TBCD: variants seen among roughly 807,000 people sequenced by gnomAD.
TBCD encodes tubulin-specific chaperone D.
A neutral mutation model predicts 169.3 loss-of-function variants in TBCD; 105 were observed. The ratio of observed to expected loss-of-function variants is 0.62; its 90% CI spans 0.53 to 0.73. The LOEUF is 0.73. TBCD is among the 30% of genes least tolerant of loss of function. The pLI, the probability that TBCD is intolerant of heterozygous loss-of-function variation, is 0.00. For synonymous variants in TBCD, 700 were observed against 643.9 expected (o/e 1.09, Z -1.32); for missense variants, 1,444 against 1,600.1 (o/e 0.90, Z 1.66).
At chr17:82,768,352 A>C (rs2048130348) in intron 4 of TBCD, 68 bp from the exon 5 acceptor site, 2 of 1,588,488 alleles carry the variant, frequency 1.3e-6, no homozygotes, top group East Asian at 4.5e-5. Context: ...AGTGACTTTG[A>C]GTAGATTGTG....
chr17:82,829,104 ACCC>A (rs1046045767), intron 13 of TBCD, among the ~76,000 whole-genome samples: 8 of 135,664 alleles, frequency 5.9e-5, no homozygotes, highest in African/African-American at 2.3e-4. Context: ...TTGAATGCGC[ACCC>A]CCCACAGATA....
Position 82,870,309 on chromosome 17 carries a change from C to T in TBCD, c.1404C>T (p.Cys468=), listed in dbSNP as rs2145960863. The change falls in exon 14 of 39, where the codon TGC becomes TGT. Residue 468 remains cysteine (C), a synonymous_variant. Transcript: ENST00000355528. The stretch of plus-strand genomic sequence containing the variant: ...GCACCAACGTCAGGGACGCCGCCTG[C>T]TACGTGTGCTGGGCCTTCGCGCGTG... ...SVGTNVRDAA[C]YVCWAFARAY... 1 of 1,613,598 alleles carries T rather than the reference C, an allele frequency of 6.2e-7. No individual in the cohort carries two copies. Among genetic ancestry groups the T allele is most frequent in the South Asian group, 1.1e-5 (1 of 91,082 alleles).
At position 82,752,080 on chromosome 17, in the gene TBCD, C is replaced by T. The variant is rs893422123; in HGVS notation, c.-114C>T. The stretch of plus-strand genomic sequence containing the variant: ...GCGGGGCGGGGCCAGCGTCGGTTGC[C>T]GCCTTAGCGGGCGCCTCCTTTTCAT... On this transcript the variant is annotated 5_prime_UTR_variant, in exon 1 of 39. Transcript: ENST00000355528. The T allele has an allele frequency of 5.7e-6, 7 of 1,236,124 alleles. No individual in the cohort carries two copies. The African/African-American group carries it at 1.1e-4, about 20-fold the overall frequency. 76.6% of individuals were successfully genotyped at this position (1,236,124 alleles called of 1,614,324 possible).
intron 13 of TBCD, chr17:82,859,803 A>G (rs80035205): frequency 7.1e-6 from 7 of 985,316 alleles, no homozygotes; most frequent in African/African-American, 1.7e-5. Flanking sequence ...CTGCCTGTTC[A>G]TGGCAGTGAC....
Position 82,786,796 on chromosome 17 carries a change from T to A in TBCD, c.771+5075T>A, listed in dbSNP as rs145672532. ...GCCACATGTGTCTAGTTCTGCAGTT[T>A]CTTTGTTGTGGGTTCGGTTCTTTAC... On this transcript the variant is annotated intron_variant, in intron 7 of 38. Transcript: ENST00000355528. Among the ~76,000 whole-genome samples the A allele has an allele frequency of 2.5e-3, 371 of 151,412 alleles. 1 individual carries two copies. Among genetic ancestry groups the A allele is most frequent in the Non-Finnish European group, 2.9e-3 (195 of 67,896 alleles).
intron 2 of TBCD, among the ~76,000 whole-genome samples, chr17:82,762,039 T>G (rs1450966344): frequency 6.6e-6 from 1 of 151,748 alleles, no homozygotes; most frequent in Non-Finnish European, 1.5e-5. Context: ...TTGAGTTGTT[T>G]CCGGTTTTTG....
At chr17:82,932,787 T>C in intron 34 of TBCD, 52 bp downstream of exon 34, 7 of 1,568,866 alleles carry the variant, frequency 4.5e-6, no homozygotes, top group Non-Finnish European at 6.1e-6. Flanking sequence ...AAGTAGCTCA[T>C]GTATTAAAGA....
intron 9 of TBCD, among the ~76,000 whole-genome samples, chr17:82,805,188 C>G (rs1268745659): frequency 6.6e-6 from 1 of 152,248 alleles, no homozygotes; most frequent in Non-Finnish European, 1.5e-5. Flanking sequence ...TCACACAGCT[C>G]TCTGCGTAGG....
intron 13 of TBCD, among the ~76,000 whole-genome samples, chr17:82,866,492 A>G (rs1267030931): frequency 1.3e-5 from 2 of 152,390 alleles, no homozygotes; most frequent in East Asian, 3.9e-4. Flanking sequence ...TGCCGTCAGC[A>G]GCCAGGCCTT....
chr17:82,942,218 G>A, intron 38 of TBCD: 2 of 595,944 alleles, frequency 3.4e-6, no homozygotes, highest in South Asian at 4.2e-5. Context: ...GAGCAGTGCA[G>A]TGAACCTCCC....
intron 2 of TBCD, among the ~76,000 whole-genome samples, chr17:82,758,674 T>C (rs1253167341): frequency 6.9e-6 from 1 of 144,070 alleles, no homozygotes; most frequent in South Asian, 2.3e-4. Context: ...TTTTTTTTTT[T>C]TTTTTGAGAT....
At chr17:82,840,953 G>GTTT (rs755302623) in intron 13 of TBCD, among the ~76,000 whole-genome samples, 4,489 of 70,524 alleles carry the variant, frequency 0.064, 1,632 homozygotes, top group Non-Finnish European at 0.068. Flanking sequence ...CAGACAAACT[G>GTTT]GTTTTTTTTT....
Position 82,831,638 on chromosome 17 carries a change from G to C in TBCD, c.1318+16704G>C. On this transcript the variant is annotated intron_variant, in intron 13 of 38. Transcript: ENST00000355528. This position sits in a 1 kb window ranked among gnomAD's most constrained non-coding sequence, Gnocchi z 4.6. ...GGGTCTTGGGTTCCGTAGACTGACA[G>C]CAGGGGTGCGTCACACTCAGGCGAG... 6.2e-7 allele frequency: 1 copy of C among 1,614,198 alleles called. No individual in the cohort carries two copies. The highest frequency in any genetic ancestry group is 1.3e-5 in the African/African-American group (1 of 75,038).
Position 82,870,354 on chromosome 17 carries a change from G to A in TBCD, c.1449G>A (p.Leu483=). ...CGCGTGCCTATGAGCCTCAGGAGCT[G>A]AAGCCCTTTGTGACTGCAATCTCGA... ...AFARAYEPQE[L]KPFVTAISSA... The change falls in exon 14 of 39, where the codon CTG becomes CTA. Residue 483 remains leucine (L), a synonymous_variant. Coordinates refer to ENST00000355528, the MANE Select transcript of TBCD (RefSeq NM_005993.5). 6.2e-7 allele frequency: 1 copy of A among 1,613,276 alleles called. No individual in the cohort carries two copies. The highest frequency in any genetic ancestry group is 8.5e-7 in the Non-Finnish European group (1 of 1,179,810).
chr17:82,911,975 AGAGATT>A (rs1351742087), intron 23 of TBCD, among the ~76,000 whole-genome samples, 186 bp downstream of exon 23: 1 of 152,052 alleles, frequency 6.6e-6, no homozygotes, highest in Admixed American at 6.5e-5. Flanking sequence ...GGAGAGATTG[AGAGATT>A]GAGATTGAGA....
At chr17:82,830,908 A>G in intron 13 of TBCD, 3 of 1,612,956 alleles carry the variant, frequency 1.9e-6, no homozygotes, top group Middle Eastern at 1.6e-4. Context: ...GCTTAGTAGG[A>G]GCTTGCTTAG....
rs1040401049 is a variant in TBCD, at chr17:82,832,435, C to G, written c.1318+17501C>G. The G allele has an allele frequency of 2.5e-6, 4 of 1,612,496 alleles. No individual in the cohort carries two copies. Among genetic ancestry groups the G allele is most frequent in the Non-Finnish European group, 3.4e-6 (4 of 1,180,010 alleles). ...GATGTAATGTGGCTTTTTTGGCTTC[C>G]GCTCTTTGAGGAGACTCATTTTCCT... On this transcript the variant is annotated intron_variant, in intron 13 of 38. Transcript: ENST00000355528. The surrounding 1 kb of genome is among the most constrained non-coding windows in gnomAD (Gnocchi z 4.9).
intron 13 of TBCD, among the ~76,000 whole-genome samples, chr17:82,854,857 G>A (rs1470256221): frequency 1.3e-5 from 2 of 152,186 alleles, no homozygotes; most frequent in African/African-American, 2.4e-5. Flanking sequence ...GTGGACACAA[G>A]CCACTTAACA....
At chr17:82,899,067 T>C (rs2059689302) in intron 17 of TBCD, among the ~76,000 whole-genome samples, 1 of 152,290 alleles carries the variant, frequency 6.6e-6, no homozygotes, top group African/African-American at 2.4e-5. Flanking sequence ...CACTCCTGTG[T>C]GTCAGGTTCT....
Sources: allele counts gnomAD v4.1 joint callset (sites outside exome capture counted in the v4.1 genomes callset), GRCh38; gene constraint gnomAD v4.1.1; non-coding constraint Gnocchi (gnomAD v3.1); transcripts MANE v1.5; gene names NCBI Gene and HGNC (gene_info 2026-07-23, HGNC 2026-07-21).